TM9SF4: variants seen among roughly 807,000 people sequenced by gnomAD.
TM9SF4 encodes the protein dinucleotide oxidase disulfide thiol exchanger 3 superfamily member 4.
Under a neutral mutation model 90.4 loss-of-function variants are expected in TM9SF4, and 26 were observed. The ratio of observed to expected loss-of-function variants is 0.29; its 90% CI spans 0.21 to 0.40. TM9SF4 has a LOEUF of 0.40. TM9SF4 is among the 10% of genes least tolerant of loss of function. TM9SF4 has a pLI of 1.00. For missense variants in TM9SF4, 549 were observed against 834.8 expected (o/e 0.66, Z 4.22); for synonymous variants, 293 against 315.4 (o/e 0.93, Z 0.75).
intron 1 of TM9SF4, among the ~76,000 whole-genome samples, chr20:32,123,845 C>CAT (rs778502518): frequency 0.014 from 1,510 of 108,690 alleles, 37 homozygotes; most frequent in Non-Finnish European, 0.02. Context: ...TTCTCTCTCT[C>CAT]ATATATATAT....
At chr20:32,145,022 C>A in intron 6 of TM9SF4, 69 bp from the exon 7 acceptor site, 1 of 1,485,588 alleles carries the variant, frequency 6.7e-7, no homozygotes, top group Non-Finnish European at 9.4e-7. Context: ...TTGAGGGCAG[C>A]CCCTGGAATA....
chr20:32,113,990 C>T (rs887096621), intron 1 of TM9SF4, among the ~76,000 whole-genome samples: 2 of 152,150 alleles, frequency 1.3e-5, no homozygotes, highest in African/African-American at 4.8e-5. Flanking sequence ...TCAGTAGTGC[C>T]GCATCCCTTT....
intron 12 of TM9SF4, among the ~76,000 whole-genome samples, chr20:32,153,524 G>A (rs2046873319): frequency 6.6e-6 from 1 of 152,208 alleles, no homozygotes; most frequent in Non-Finnish European, 1.5e-5. Flanking sequence ...CGAGGCAGGA[G>A]GATCACTTGA....
chr20:32,128,009 A>T (rs970843301), intron 1 of TM9SF4, among the ~76,000 whole-genome samples: 3 of 152,228 alleles, frequency 2.0e-5, no homozygotes, highest in Non-Finnish European at 4.4e-5. Flanking sequence ...GTTGTGGCTA[A>T]CTGCTTATTA....
chr20:32,153,067 G>A (rs1260025040), intron 12 of TM9SF4, among the ~76,000 whole-genome samples: 1 of 152,200 alleles, frequency 6.6e-6, no homozygotes, highest in Non-Finnish European at 1.5e-5. Flanking sequence ...ATGAAGGGAC[G>A]CAGCCAGCAG....
chr20:32,153,619 C>T (rs1281324264), intron 12 of TM9SF4, among the ~76,000 whole-genome samples: 1 of 152,156 alleles, frequency 6.6e-6, no homozygotes, highest in Non-Finnish European at 1.5e-5. Flanking sequence ...GTGGCATGTG[C>T]CTGTAGTCCT....
chr20:32,122,347 G>A (rs1390748029), intron 1 of TM9SF4, among the ~76,000 whole-genome samples: 6 of 151,498 alleles, frequency 4.0e-5, no homozygotes, highest in Non-Finnish European at 7.4e-5. Context: ...CTGCCGGGCG[G>A]AGATGCTCCT....
chr20:32,143,863 C>T (rs1488061761), intron 6 of TM9SF4, among the ~76,000 whole-genome samples: 1 of 152,102 alleles, frequency 6.6e-6, no homozygotes, highest in Non-Finnish European at 1.5e-5. Context: ...TCTACGTTTG[C>T]ATGTGTGACG....
intron 13 of TM9SF4, 123 bp downstream of exon 13, chr20:32,155,309 T>A: frequency 2.3e-6 from 2 of 872,294 alleles, no homozygotes; most frequent in Non-Finnish European, 3.7e-6. Context: ...AGAGTTACGT[T>A]CCCAGCCATG....
chr20:32,157,222 G>A (rs1036518121), intron 13 of TM9SF4, among the ~76,000 whole-genome samples: 2 of 152,022 alleles, frequency 1.3e-5, no homozygotes, highest in South Asian at 2.1e-4. Flanking sequence ...CAAACTGCTG[G>A]TATTACAGGC....
At chr20:32,131,953 CAT>C in intron 1 of TM9SF4, among the ~76,000 whole-genome samples, 1 of 152,154 alleles carries the variant, frequency 6.6e-6, no homozygotes. Flanking sequence ...CGCAAATAAA[CAT>C]ATACATATAG....
At chr20:32,142,777 G>T (rs2046699750) in intron 5 of TM9SF4, among the ~76,000 whole-genome samples, 1 of 152,184 alleles carries the variant, frequency 6.6e-6, no homozygotes, top group Non-Finnish European at 1.5e-5. Flanking sequence ...ATGATAGAAG[G>T]CCTTGAATGC....
chr20:32,158,386 G>A, intron 14 of TM9SF4, 65 bp from the exon 15 acceptor site: 1 of 1,524,426 alleles, frequency 6.6e-7, no homozygotes, highest in South Asian at 1.1e-5. Context: ...TGCCAGCTTG[G>A]GAAGGAGCTT....
At position 32,145,502 on chromosome 20, in the gene TM9SF4, C is replaced by T; in HGVS notation, c.883+79C>T. 2.3e-6 allele frequency: 3 copies of T among 1,301,562 alleles called. No homozygotes were observed. The South Asian group carries it at 3.6e-5, about 16-fold the overall frequency. 80.6% of individuals were successfully genotyped at this position (1,301,562 alleles called of 1,614,324 possible). ...GAGACATCACATCATGTATGGGGGA[C>T]TTCCAGGGTGTTCTGAGGGTCAGGC... On this transcript the variant is annotated intron_variant, in intron 8 of 17. Transcript: ENST00000398022.
chr20:32,127,764 T>A (rs1222726569), intron 1 of TM9SF4, among the ~76,000 whole-genome samples: 1 of 152,236 alleles, frequency 6.6e-6, no homozygotes, highest in East Asian at 1.9e-4. Flanking sequence ...TTGAGTTCCC[T>A]AGGGTGGTGT....
chr20:32,150,589 T>G (rs1283333332), intron 10 of TM9SF4, 33 bp from the exon 11 acceptor site: 2 of 1,613,496 alleles, frequency 1.2e-6, no homozygotes, highest in Non-Finnish European at 1.7e-6. Flanking sequence ...CACCCTGCCT[T>G]TCTCTGCCCT....
intron 13 of TM9SF4, among the ~76,000 whole-genome samples, chr20:32,156,702 G>C (rs1441542895): frequency 6.6e-6 from 1 of 152,022 alleles, no homozygotes; most frequent in Non-Finnish European, 1.5e-5. Context: ...TGCCTCCCGG[G>C]CTCAAGTGGT....
rs561531999 is a variant in TM9SF4, at chr20:32,158,067, C to T, written c.1505+98C>T. 3,747 of 1,494,084 alleles carry T rather than the reference C, an allele frequency of 2.5e-3. 9 individuals carry two copies. The highest frequency in any genetic ancestry group is 5.4e-3 in the South Asian group (437 of 80,784). The allele number at this position is 1,494,084 out of a possible 1,614,324, so 92.6% of individuals were successfully genotyped here. A position where few individuals can be genotyped will look rare whatever the true frequency, so the allele number is the denominator to read the frequency against. On this transcript the variant is annotated intron_variant, in intron 14 of 17. Coordinates refer to ENST00000398022, the MANE Select transcript of TM9SF4 (RefSeq NM_014742.4). ...GCGGCAACCAGAGTTCCTGCCGCTT[C>T]AGCCGGCTCTAATAGAGTTTATGAA...
chr20:32,152,479 C>T (rs1490817842), intron 12 of TM9SF4, among the ~76,000 whole-genome samples: 5 of 151,936 alleles, frequency 3.3e-5, no homozygotes, highest in Non-Finnish European at 5.9e-5. Context: ...TAAGGATCTT[C>T]CTACCAAATG....
Sources: allele counts gnomAD v4.1 joint callset (sites outside exome capture counted in the v4.1 genomes callset), GRCh38; gene constraint gnomAD v4.1.1; transcripts MANE v1.5; gene names NCBI Gene and HGNC (gene_info 2026-07-23, HGNC 2026-07-21).